Variants in KHDRBS2 observed in about 807,000 individuals in gnomAD.
The protein encoded by KHDRBS2 is KH RNA binding domain containing, signal transduction associated 2.
KHDRBS2 carries 26 observed loss-of-function variants against 44.3 expected under a neutral mutation model. That is an observed-to-expected ratio of 0.59 (90% CI 0.43 to 0.81). The LOEUF (loss-of-function observed/expected upper bound fraction) is 0.81. Ranked by LOEUF, KHDRBS2 falls within the 40% of genes least tolerant of loss-of-function variation. The probability of loss-of-function intolerance (pLI) is 0.00; values close to 1 mark genes in which losing one functional copy is unlikely to be tolerated. For synonymous variants in KHDRBS2, 194 were observed against 151.1 expected (o/e 1.28, Z -2.08); for missense variants, 476 against 433.1 (o/e 1.10, Z -0.88).
In KHDRBS2 at chr6:62,177,327, CAAG is replaced by C. The variant is rs1563007946; in HGVS notation, c.92-18_92-16del. On this transcript the variant is annotated splice_polypyrimidine_tract_variant and intron_variant, in intron 1 of 8. Transcript: ENST00000281156. ...CTTTTCAATTTCTGGAAGAAAATCA[CAAG>C]AAGAAAACAAGTGAAATGAGGAACA... 6.4e-7 allele frequency: 1 copy of C among 1,571,622 alleles called. No individual in the cohort carries two copies. The highest frequency in any genetic ancestry group is 1.4e-5 in the African/African-American group (1 of 73,702).
chr6:62,131,831 T>G (rs1178563817), intron 2 of KHDRBS2, among the ~76,000 whole-genome samples: 2 of 152,208 alleles, frequency 1.3e-5, no homozygotes, highest in Non-Finnish European at 2.9e-5. Context: ...ACATTTAAGG[T>G]GTCTAGTACA....
intron 4 of KHDRBS2, among the ~76,000 whole-genome samples, chr6:61,921,757 C>T (rs148047807): frequency 1.3e-5 from 2 of 151,932 alleles, no homozygotes; most frequent in South Asian, 4.1e-4. Context: ...GAGTTTTCCA[C>T]CGTTTTGCCA....
intron 6 of KHDRBS2, among the ~76,000 whole-genome samples, chr6:61,739,396 C>G (rs1402008577): frequency 6.6e-6 from 1 of 151,760 alleles, no homozygotes; most frequent in African/African-American, 2.4e-5. Context: ...ATGATAGGAG[C>G]AACTTTGCTC....
intron 8 of KHDRBS2, among the ~76,000 whole-genome samples, chr6:61,685,437 A>C (rs899556087): frequency 1.3e-5 from 2 of 151,896 alleles, no homozygotes; most frequent in African/African-American, 4.8e-5. Flanking sequence ...GTTTCAAACC[A>C]ATTATGCAAA....
chr6:62,284,238 G>T (rs1489769505), intron 1 of KHDRBS2, among the ~76,000 whole-genome samples: 3 of 152,056 alleles, frequency 2.0e-5, no homozygotes, highest in Non-Finnish European at 4.4e-5. Context: ...AATGACTGAT[G>T]AATTAATCTT....
At chr6:61,919,612 C>G (rs1807667484) in intron 4 of KHDRBS2, among the ~76,000 whole-genome samples, 2 of 151,776 alleles carry the variant, frequency 1.3e-5, no homozygotes, top group Admixed American at 1.3e-4. Flanking sequence ...ACAACATGGT[C>G]TTTCATTTAG....
chr6:62,192,248 G>T (rs946593505), intron 1 of KHDRBS2, among the ~76,000 whole-genome samples: 2 of 151,982 alleles, frequency 1.3e-5, no homozygotes, highest in African/African-American at 4.8e-5. Context: ...AGTTATTTCT[G>T]ATTTTCTCAC....
At chr6:62,091,331 A>T (rs1288142318) in intron 2 of KHDRBS2, among the ~76,000 whole-genome samples, 1 of 152,080 alleles carries the variant, frequency 6.6e-6, no homozygotes, top group African/African-American at 2.4e-5. Flanking sequence ...CTAATTTTCT[A>T]ATAATTCTTA....
chr6:62,126,287 C>T (rs1305341438), intron 2 of KHDRBS2, among the ~76,000 whole-genome samples: 1 of 152,124 alleles, frequency 6.6e-6, no homozygotes, highest in African/African-American at 2.4e-5. Context: ...GAAATGTGGG[C>T]AGAACTTTAT....
intron 1 of KHDRBS2, among the ~76,000 whole-genome samples, chr6:62,265,275 A>G (rs2150184351): frequency 6.6e-6 from 1 of 152,098 alleles, no homozygotes; most frequent in Admixed American, 6.6e-5. Flanking sequence ...GATAACATAG[A>G]CCACTGAAAA....
intron 2 of KHDRBS2, among the ~76,000 whole-genome samples, chr6:62,121,208 T>G (rs1374190254): frequency 1.3e-5 from 2 of 152,110 alleles, no homozygotes; most frequent in African/African-American, 2.4e-5. Flanking sequence ...ACTGGTAGGA[T>G]GAGAGCCATT....
intron 6 of KHDRBS2, among the ~76,000 whole-genome samples, chr6:61,765,724 G>C (rs1472559498): frequency 6.6e-6 from 1 of 151,900 alleles, no homozygotes; most frequent in Non-Finnish European, 1.5e-5. Context: ...TTTATCAAAT[G>C]CTTTTTCAGC....
intron 6 of KHDRBS2, among the ~76,000 whole-genome samples, chr6:61,848,208 TCAA>T (rs940385307): frequency 3.3e-5 from 5 of 151,682 alleles, no homozygotes; most frequent in African/African-American, 9.7e-5. Context: ...AACTGTCTTT[TCAA>T]CAAGTCTTTT....
intron 6 of KHDRBS2, among the ~76,000 whole-genome samples, chr6:61,748,606 C>T (rs1777195896): frequency 1.3e-5 from 2 of 152,136 alleles, no homozygotes; most frequent in African/African-American, 2.4e-5. Context: ...TTGTAACTAT[C>T]AAATGTAACT....
chr6:61,602,471 G>C, the KHDRBS2 span, among the ~76,000 whole-genome samples: 1 of 152,082 alleles, frequency 6.6e-6, no homozygotes, highest in Non-Finnish European at 1.5e-5. Context: ...CGGAAAATTG[G>C]ACTGTTCAAC....
chr6:62,284,899 T>G (rs928405074), intron 1 of KHDRBS2, among the ~76,000 whole-genome samples: 17 of 152,310 alleles, frequency 1.1e-4, no homozygotes, highest in African/African-American at 3.6e-4. Flanking sequence ...AGTTTTTTGC[T>G]GTATGTAAGT....
chr6:61,797,054 T>G (rs1785467768), intron 6 of KHDRBS2, among the ~76,000 whole-genome samples: 1 of 152,092 alleles, frequency 6.6e-6, no homozygotes, highest in African/African-American at 2.4e-5. Context: ...TTTATAGAAA[T>G]AAGCTTCTGG....
At chr6:61,714,134 AAAACTATTCATTT>A (rs145698777) in intron 7 of KHDRBS2, among the ~76,000 whole-genome samples, 1,629 of 151,868 alleles carry the variant, frequency 0.011, 29 homozygotes, top group African/African-American at 0.038. Context: ...AAAATATTTT[AAAACTATTCATTT>A]AACAAAGGAC....
chr6:61,551,883 T>G, the KHDRBS2 span, among the ~76,000 whole-genome samples: 1 of 152,208 alleles, frequency 6.6e-6, no homozygotes, highest in Non-Finnish European at 1.5e-5. Context: ...AAATTAGTTT[T>G]TTCCTAATTC....
Sources: gnomAD v4.1 joint callset for allele counts (sites outside exome capture counted in the v4.1 genomes callset) on GRCh38, gnomAD v4.1.1 for gene constraint, MANE v1.5 for transcripts, NCBI Gene and HGNC (gene_info 2026-07-23, HGNC 2026-07-21) for gene names.